ENTREP2: variants seen among roughly 807,000 people sequenced by gnomAD.
ENTREP2 encodes the protein endosomal transmembrane epsin interactor 2.
At chr15:29,641,335 A>C in the ENTREP2 span, among the ~76,000 whole-genome samples, 1 of 152,148 alleles carries the variant, frequency 6.6e-6, no homozygotes, top group Non-Finnish European at 1.5e-5. Flanking sequence ...AATGAAACAA[A>C]AGTCATCAAA....
the ENTREP2 span, chr15:29,126,409 G>A: frequency 8.4e-6 from 13 of 1,548,966 alleles, no homozygotes; most frequent in African/African-American, 1.4e-5. Flanking sequence ...GTGCTGGGGC[G>A]CCCACAGGGC....
At chr15:29,343,628 G>C in the ENTREP2 span, among the ~76,000 whole-genome samples, 1 of 151,152 alleles carries the variant, frequency 6.6e-6, no homozygotes, top group Non-Finnish European at 1.5e-5. Flanking sequence ...TCCTCTCATT[G>C]GTTCTGTTAC....
the ENTREP2 span, among the ~76,000 whole-genome samples, chr15:29,652,442 A>T: frequency 7.9e-5 from 12 of 152,192 alleles, no homozygotes; most frequent in Non-Finnish European, 1.8e-4. Context: ...CAAGGTGCCA[A>T]ATGGCAAGTC....
chr15:29,352,102 T>TTTTTAAA, the ENTREP2 span, among the ~76,000 whole-genome samples: 89 of 152,212 alleles, frequency 5.8e-4, no homozygotes, highest in African/African-American at 1.9e-3. Context: ...ACCGGGCTAA[T>TTTTTAAA]TTTTAAATTT....
chr15:29,227,952 T>C, the ENTREP2 span, among the ~76,000 whole-genome samples: 1 of 151,244 alleles, frequency 6.6e-6, no homozygotes, highest in Non-Finnish European at 1.5e-5. Context: ...ACATCTCTCA[T>C]AAACATAAGT....
the ENTREP2 span, among the ~76,000 whole-genome samples, chr15:29,596,601 G>T: frequency 6.6e-6 from 1 of 152,052 alleles, no homozygotes; most frequent in Non-Finnish European, 1.5e-5. Context: ...ATACATTTGT[G>T]GTACATTTAG....
chr15:29,650,609 A>G, the ENTREP2 span, among the ~76,000 whole-genome samples: 2 of 125,386 alleles, frequency 1.6e-5, no homozygotes, highest in Admixed American at 7.9e-5. Context: ...AACAAAAAAC[A>G]AAAAAAAAAA....
At chr15:29,419,170 C>G in the ENTREP2 span, among the ~76,000 whole-genome samples, 1 of 152,128 alleles carries the variant, frequency 6.6e-6, no homozygotes, top group African/African-American at 2.4e-5. Flanking sequence ...ACCAGATAAT[C>G]TGGACAATAA....
the ENTREP2 span, among the ~76,000 whole-genome samples, chr15:29,239,951 C>A: frequency 6.6e-6 from 1 of 152,152 alleles, no homozygotes; most frequent in African/African-American, 2.4e-5. Flanking sequence ...AAGATATATT[C>A]CTTCCCTCCG....
At chr15:29,638,614 C>T in the ENTREP2 span, among the ~76,000 whole-genome samples, 1 of 152,204 alleles carries the variant, frequency 6.6e-6, no homozygotes, top group Admixed American at 6.5e-5. Flanking sequence ...TGGTGGTTCA[C>T]ACCTGTAATC....
chr15:29,230,431 G>A, the ENTREP2 span, among the ~76,000 whole-genome samples: 1 of 152,058 alleles, frequency 6.6e-6, no homozygotes, highest in East Asian at 1.9e-4. Flanking sequence ...TAGGCAGAGA[G>A]GAAATTATAG....
chr15:29,463,421 G>C, the ENTREP2 span, among the ~76,000 whole-genome samples: 1 of 152,200 alleles, frequency 6.6e-6, no homozygotes. Flanking sequence ...CTAAAACTGG[G>C]CATGTGGCTG....
chr15:29,229,000 C>T, the ENTREP2 span, among the ~76,000 whole-genome samples: 1 of 151,692 alleles, frequency 6.6e-6, no homozygotes, highest in Non-Finnish European at 1.5e-5. Context: ...CATTTTTGTC[C>T]TTGGTAATAC....
the ENTREP2 span, among the ~76,000 whole-genome samples, chr15:29,223,205 G>A: frequency 2.0e-5 from 3 of 152,214 alleles, no homozygotes; most frequent in Non-Finnish European, 4.4e-5. Context: ...GTATAGTTGG[G>A]GAACACCACA....
chr15:29,568,630 G>A, the ENTREP2 span, among the ~76,000 whole-genome samples: 1 of 150,442 alleles, frequency 6.6e-6, no homozygotes, highest in Non-Finnish European at 1.5e-5. Flanking sequence ...CTTCAGCCCA[G>A]CAGTTCCAGG....
chr15:29,453,061 C>T, the ENTREP2 span, among the ~76,000 whole-genome samples: 7 of 152,080 alleles, frequency 4.6e-5, no homozygotes, highest in African/African-American at 1.7e-4. Flanking sequence ...AAAATCACCT[C>T]GAGGCAACTG....
At chr15:29,299,917 G>A in the ENTREP2 span, among the ~76,000 whole-genome samples, 1 of 138,936 alleles carries the variant, frequency 7.2e-6, no homozygotes, top group Non-Finnish European at 1.5e-5. Context: ...GGATGGGTAG[G>A]TGAATGGATG....
the ENTREP2 span, among the ~76,000 whole-genome samples, chr15:29,407,305 A>G: frequency 6.6e-6 from 1 of 152,194 alleles, no homozygotes; most frequent in Non-Finnish European, 1.5e-5. Context: ...AAAACATGGT[A>G]TTAGAATCTC....
the ENTREP2 span, among the ~76,000 whole-genome samples, chr15:29,159,417 G>C: frequency 1.5e-3 from 224 of 152,282 alleles, 1 homozygote; most frequent in African/African-American, 4.7e-3. Flanking sequence ...TAATAACAAA[G>C]CTTCCACAGC....
Sources: gnomAD v4.1 joint callset for allele counts (sites outside exome capture counted in the v4.1 genomes callset) on GRCh38, gnomAD v4.1.1 for gene constraint, MANE v1.5 for transcripts, NCBI Gene and HGNC (gene_info 2026-07-23, HGNC 2026-07-21) for gene names.